Variants in RNF111 observed in about 807,000 individuals in gnomAD.
RNF111 encodes E3 ubiquitin-protein ligase Arkadia.
A neutral mutation model predicts 95.1 loss-of-function variants in RNF111; 17 were observed. That is an observed-to-expected ratio of 0.18 (90% CI 0.12 to 0.27). RNF111 has a LOEUF of 0.27. Among genes scored for constraint, RNF111 ranks in the 10% least tolerant of loss-of-function variants. The probability of loss-of-function intolerance (pLI) is 1.00; values close to 1 mark genes in which losing one functional copy is unlikely to be tolerated. For missense variants in RNF111, 1,189 were observed against 1,210.4 expected, an observed-to-expected ratio of 0.98 and a Z score of 0.26; for synonymous variants, 440 against 414.8, an observed-to-expected ratio of 1.06 and a Z score of -0.74.
intron 1 of RNF111, among the ~76,000 whole-genome samples, chr15:58,996,856 T>G (rs2039098608): frequency 6.6e-6 from 1 of 152,090 alleles, no homozygotes; most frequent in South Asian, 2.1e-4. Flanking sequence ...AAAGTCAGTT[T>G]CAAAAGACTT....
chr15:59,085,681 G>T lies in RNF111; in HGVS notation c.2446G>T (p.Val816Leu). The T allele has an allele frequency of 6.2e-7, 1 of 1,613,408 alleles. No homozygotes were observed. The highest frequency in any genetic ancestry group is 8.5e-7 in the Non-Finnish European group (1 of 1,179,576). Residue 816 changes from valine (V) to leucine (L), a missense_variant, in exon 10 of 14, where the codon GTG (valine) becomes TTG (leucine). This residue lies in a region of RNF111 where 165 missense variants were observed against 284.6 expected (regional missense o/e 0.58). Transcript: ENST00000348370. ...TAGGGAACTGGGAATTGAAGCTGGAGTGACTGCAGCTACTTATACACCTGG... is the reference window on the plus strand; with the variant it reads ...TAGGGAACTGGGAATTGAAGCTGGATTGACTGCAGCTACTTATACACCTGG... Reference protein sequence around the residue: ...SAWELGIEAGVTAATYTPGAL... With the variant: ...SAWELGIEAGLTAATYTPGAL...
chr15:59,044,052 C>G (rs1197955226), intron 2 of RNF111, among the ~76,000 whole-genome samples: 2 of 151,922 alleles, frequency 1.3e-5, no homozygotes, highest in Admixed American at 6.6e-5. Flanking sequence ...TGGGGGGAGA[C>G]AGAGTTTCGC....
chr15:59,084,332 T>A (rs12915899), intron 9 of RNF111, 78 bp downstream of exon 9: 102 of 1,339,200 alleles, frequency 7.6e-5, no homozygotes, highest in Non-Finnish European at 1.0e-4. Flanking sequence ...TTGTGATTGA[T>A]TGCTTTGCAG....
At chr15:58,993,151 C>T (rs940229476) in intron 1 of RNF111, among the ~76,000 whole-genome samples, 1 of 151,780 alleles carries the variant, frequency 6.6e-6, no homozygotes, top group Non-Finnish European at 1.5e-5. Flanking sequence ...GTCTGGGTGA[C>T]AGAGCAAGAT....
At position 59,031,666 on chromosome 15, in the gene RNF111, A is replaced by C. The variant is rs199967891; in HGVS notation, c.844A>C (p.Ser282Arg). 2.3e-4 allele frequency: 365 copies of C among 1,614,072 alleles called. No individual in the cohort carries two copies. The highest frequency in any genetic ancestry group is 1.9e-4 in the Non-Finnish European group (220 of 1,179,988). ...EGEEDLFVSA[S>R]ENHQNNPAVP... Reference sequence around the variant, plus strand: ...AGAAGAAGATTTGTTTGTTTCTGCCAGTGAAAACCACCAAAACAATCCAGC... The same window carrying C: ...AGAAGAAGATTTGTTTGTTTCTGCCCGTGAAAACCACCAAAACAATCCAGC... The change falls in exon 2 of 14, where the codon AGT becomes CGT. Residue 282 changes from serine (S) to arginine (R), a missense_variant. By Grantham distance (110) the Ser-to-Arg change is moderately radical. Coordinates refer to ENST00000348370, the MANE Select transcript of RNF111 (RefSeq NM_017610.8).
At chr15:59,086,040 C>T (rs1311648271) in intron 10 of RNF111, among the ~76,000 whole-genome samples, 2 of 151,456 alleles carry the variant, frequency 1.3e-5, no homozygotes, top group African/African-American at 4.9e-5. Flanking sequence ...TACTCTTAAT[C>T]CACTGTCAGG....
At chr15:59,059,530 A>G (rs770100063) in intron 5 of RNF111, among the ~76,000 whole-genome samples, 7 of 152,178 alleles carry the variant, frequency 4.6e-5, no homozygotes, top group Non-Finnish European at 8.8e-5. Flanking sequence ...ATAATTGAGA[A>G]TGGGGATGGG....
intron 3 of RNF111, among the ~76,000 whole-genome samples, chr15:59,054,618 C>T (rs1234556970): frequency 2.0e-5 from 3 of 147,042 alleles, no homozygotes; most frequent in Non-Finnish European, 3.0e-5. Flanking sequence ...GACAGTGGCT[C>T]GGTAATTAAC....
intron 2 of RNF111, chr15:59,049,695 A>T: frequency 6.8e-6 from 1 of 146,920 alleles, no homozygotes; most frequent in South Asian, 1.8e-4. Context: ...CCATGGTAAT[A>T]TTTGTGGGCA....
intron 1 of RNF111, among the ~76,000 whole-genome samples, chr15:59,006,792 A>AT (rs1212692611): frequency 2.0e-5 from 3 of 152,066 alleles, no homozygotes; most frequent in South Asian, 4.2e-4. Flanking sequence ...ACAGTTATTT[A>AT]TTTTTTTTCT....
intron 6 of RNF111, among the ~76,000 whole-genome samples, chr15:59,071,415 G>T (rs2042920747): frequency 6.6e-6 from 1 of 152,122 alleles, no homozygotes; most frequent in Non-Finnish European, 1.5e-5. Context: ...GTGCATAGTG[G>T]CTTACGCCTG....
At chr15:59,092,715 C>A in intron 13 of RNF111, 75 bp downstream of exon 13, 2 of 1,367,556 alleles carry the variant, frequency 1.5e-6, no homozygotes, top group South Asian at 1.4e-5. Context: ...TAAATTACAC[C>A]GGGCATGATG....
At chr15:59,090,923 G>A in intron 11 of RNF111, 136 bp from the exon 12 acceptor site, 1 of 528,430 alleles carries the variant, frequency 1.9e-6, no homozygotes, top group Admixed American at 3.4e-5. Context: ...CACTTGTCAT[G>A]TGTAAGTTTT....
In RNF111 at chr15:59,057,542, T is replaced by C. The variant is rs115010772; in HGVS notation, c.1172-814T>C. ...GCTTTGGATGGATTTATTCCTACCG[T>C]TCTCAATTTTAAGCAACCATTTTAA... On this transcript the variant is annotated intron_variant, in intron 4 of 13. Coordinates refer to ENST00000348370, the MANE Select transcript of RNF111 (RefSeq NM_017610.8). Among the ~76,000 whole-genome samples the C allele has an allele frequency of 4.3e-3, 650 of 152,350 alleles. 10 individuals carry two copies. Among genetic ancestry groups the C allele is most frequent in the African/African-American group, 0.015 (611 of 41,584 alleles).
At chr15:59,028,074 G>A (rs1027058755) in intron 1 of RNF111, among the ~76,000 whole-genome samples, 8 of 152,062 alleles carry the variant, frequency 5.3e-5, no homozygotes, top group Non-Finnish European at 1.2e-4. Context: ...TGATCTGCCC[G>A]CCTCGGCCTC....
At chr15:58,992,508 T>C (rs1207084831) in intron 1 of RNF111, among the ~76,000 whole-genome samples, 1 of 152,146 alleles carries the variant, frequency 6.6e-6, no homozygotes, top group African/African-American at 2.4e-5. Context: ...GGTTTGAAAA[T>C]TGTTCATATT....
intron 1 of RNF111, among the ~76,000 whole-genome samples, chr15:58,988,832 A>G (rs2141331217): frequency 6.6e-6 from 1 of 152,270 alleles, no homozygotes; most frequent in African/African-American, 2.4e-5. Flanking sequence ...CTGTTTCTTG[A>G]TTTATGTGCG....
At chr15:59,085,022 TAG>T (rs1262549122) in intron 9 of RNF111, among the ~76,000 whole-genome samples, 2 of 152,226 alleles carry the variant, frequency 1.3e-5, no homozygotes, top group African/African-American at 4.8e-5. Flanking sequence ...TGCCTTCTCC[TAG>T]ACTTGTGGTC....
In RNF111 at chr15:59,066,797, C is replaced by G. The variant is rs111330212; in HGVS notation, c.1400C>G (p.Thr467Arg). Residue 467 changes from threonine (T) to arginine (R), a missense_variant, in exon 6 of 14, where the codon ACG becomes AGG. Thr to Arg is a moderately conservative substitution (Grantham distance 71). This residue lies in a region of RNF111 where 1,024 missense variants were observed against 925.9 expected (regional missense o/e 1.11). Coordinates refer to ENST00000348370, the MANE Select transcript of RNF111 (RefSeq NM_017610.8). ...DSRRTTSSAV[T>R]ETGPPAMPRL... ...AGGAGAACTACATCTAGTGCTGTAA[C>G]GGAAACTGGCCCTCCTGCAATGCCA... 2.5e-6 allele frequency: 4 copies of G among 1,613,844 alleles called. No homozygotes were observed. The African/African-American group carries it at 5.3e-5, about 22-fold the overall frequency.
Sources: allele counts gnomAD v4.1 joint callset (sites outside exome capture counted in the v4.1 genomes callset), GRCh38; gene constraint gnomAD v4.1.1; regional missense constraint gnomAD v4.1.1; transcripts MANE v1.5; gene names NCBI Gene and HGNC (gene_info 2026-07-23, HGNC 2026-07-21).